DCTN6: variants seen among roughly 807,000 people sequenced by gnomAD.
DCTN6 encodes the protein dynactin 6.
Under a neutral mutation model 25.8 loss-of-function variants are expected in DCTN6, and 15 were observed. That is an observed-to-expected ratio of 0.58 (90% CI 0.39 to 0.89). The LOEUF is 0.89. DCTN6 is among the 40% of genes least tolerant of loss of function. DCTN6 has a pLI of 0.00. For missense variants in DCTN6, 198 were observed against 237.6 expected (o/e 0.83, Z 1.09); for synonymous variants, 64 against 78.3 (o/e 0.82, Z 0.96).
At position 30,179,294 on chromosome 8, in the gene DCTN6, G is replaced by A. The variant is rs550315560; in HGVS notation, c.284-114G>A. On this transcript the variant is annotated intron_variant, in intron 4 of 6. Coordinates refer to ENST00000221114, the MANE Select transcript of DCTN6 (RefSeq NM_006571.4). The stretch of plus-strand genomic sequence containing the variant: ...AAAGAGTTCTGGCAAGGGTGAGCCT[G>A]CATGGCCCATCTGACACCCCTGTCC... 38 of 725,506 alleles carry A rather than the reference G, an allele frequency of 5.2e-5. No homozygotes were observed. The South Asian group carries it at 8.1e-4, about 16-fold the overall frequency. 44.9% of individuals were successfully genotyped at this position (725,506 alleles called of 1,614,324 possible).
In DCTN6 at chr8:30,156,378, C is replaced by A. The variant is rs757277107; in HGVS notation, c.-6C>A. 1.9e-6 allele frequency: 3 copies of A among 1,605,470 alleles called. No homozygotes were observed. In the African/African-American group the frequency reaches 4.0e-5, roughly 21 times the overall value. ...TGTCGATCTACGTTCCAATTGGGGC[C>A]GTACCATGGCGGAGAAGACTCAAAA... On this transcript the variant is annotated 5_prime_UTR_variant, in exon 1 of 7. Coordinates refer to ENST00000221114, the MANE Select transcript of DCTN6 (RefSeq NM_006571.4).
chr8:30,167,097 G>T (rs1803688195), intron 2 of DCTN6, among the ~76,000 whole-genome samples: 1 of 151,124 alleles, frequency 6.6e-6, no homozygotes, highest in South Asian at 2.1e-4. Flanking sequence ...AAGAAGAAAG[G>T]AAAGGAAGAG....
chr8:30,176,998 C>G, intron 3 of DCTN6, 128 bp from the exon 4 acceptor site: 2 of 654,038 alleles, frequency 3.1e-6, no homozygotes, highest in South Asian at 3.9e-5. Flanking sequence ...AAAGAAATAA[C>G]TTATATAGTC....
At chr8:30,168,690 T>G (rs1325089217) in intron 2 of DCTN6, among the ~76,000 whole-genome samples, 2 of 152,348 alleles carry the variant, frequency 1.3e-5, no homozygotes, top group East Asian at 1.9e-4. Flanking sequence ...AAACCCGATC[T>G]GTTTTCCTAG....
chr8:30,165,260 T>C (rs1370897162), intron 2 of DCTN6, among the ~76,000 whole-genome samples: 3 of 152,186 alleles, frequency 2.0e-5, no homozygotes, highest in Admixed American at 2.0e-4. Flanking sequence ...TCAAACATTT[T>C]ACTCTGTTCT....
chr8:30,164,303 A>G (rs1585499687), intron 2 of DCTN6, 128 bp downstream of exon 2: 3 of 735,848 alleles, frequency 4.1e-6, no homozygotes, highest in East Asian at 5.5e-5. Context: ...AAAATAATGC[A>G]TTTTCTCCTA....
chr8:30,172,454 A>AT (rs35228637), intron 2 of DCTN6, among the ~76,000 whole-genome samples: 25 of 147,984 alleles, frequency 1.7e-4, no homozygotes, highest in East Asian at 5.9e-4. Flanking sequence ...ATATTTACAA[A>AT]TTTTTTTTTT....
At chr8:30,157,218 G>A (rs187911785) in intron 1 of DCTN6, among the ~76,000 whole-genome samples, 1 of 152,178 alleles carries the variant, frequency 6.6e-6, no homozygotes, top group Non-Finnish European at 1.5e-5. Context: ...GAGTTATCGC[G>A]TAAGGTAATG....
At chr8:30,175,020 C>G (rs967719060) in intron 2 of DCTN6, 65 bp from the exon 3 acceptor site, 1 of 1,487,336 alleles carries the variant, frequency 6.7e-7, no homozygotes, top group African/African-American at 1.4e-5. Flanking sequence ...TCCTCAGTCA[C>G]CTTCCACCCT....
At chr8:30,175,513 C>T (rs1803819590) in intron 3 of DCTN6, among the ~76,000 whole-genome samples, 1 of 151,754 alleles carries the variant, frequency 6.6e-6, no homozygotes, top group African/African-American at 2.4e-5. Flanking sequence ...GTGCTGTGCC[C>T]ACCACCCTGC....
intron 2 of DCTN6, among the ~76,000 whole-genome samples, chr8:30,170,901 C>T (rs1803754374): frequency 6.6e-6 from 1 of 152,042 alleles, no homozygotes; most frequent in African/African-American, 2.4e-5. Context: ...TCCCAAAGTG[C>T]TGGGATTACA....
At chr8:30,167,231 G>T (rs1803690439) in intron 2 of DCTN6, among the ~76,000 whole-genome samples, 1 of 151,940 alleles carries the variant, frequency 6.6e-6, no homozygotes, top group Non-Finnish European at 1.5e-5. Context: ...ACTTGAGAGG[G>T]CTCAGTGAGC....
intron 2 of DCTN6, 21 bp downstream of exon 2, chr8:30,164,196 T>A: frequency 6.3e-7 from 1 of 1,578,574 alleles, no homozygotes; most frequent in South Asian, 1.1e-5. Flanking sequence ...GTTTATTTAC[T>A]GTTTTTCAAG....
intron 1 of DCTN6, among the ~76,000 whole-genome samples, chr8:30,157,917 G>A (rs1170815173): frequency 6.8e-6 from 1 of 148,146 alleles, no homozygotes; most frequent in African/African-American, 2.4e-5. Context: ...AATATTATGT[G>A]CAGTAGATAG....
At chr8:30,160,082 G>C (rs1289987695) in intron 1 of DCTN6, among the ~76,000 whole-genome samples, 1 of 152,120 alleles carries the variant, frequency 6.6e-6, no homozygotes, top group East Asian at 1.9e-4. Context: ...TTCCCAGGAA[G>C]GGGACAAGAT....
chr8:30,175,784 A>T (rs1405569413), intron 3 of DCTN6, among the ~76,000 whole-genome samples: 1 of 152,202 alleles, frequency 6.6e-6, no homozygotes, highest in East Asian at 1.9e-4. Context: ...TTCTTTCTAG[A>T]TAAAATTTTG....
intron 3 of DCTN6, 76 bp from the exon 4 acceptor site, chr8:30,177,049 AC>A: frequency 9.0e-7 from 1 of 1,106,538 alleles, no homozygotes; most frequent in Non-Finnish European, 1.4e-6. Context: ...GAAAGAATTA[AC>A]CCAAATTCGA....
chr8:30,162,567 A>G (rs985166607), intron 1 of DCTN6, among the ~76,000 whole-genome samples: 1 of 152,260 alleles, frequency 6.6e-6, no homozygotes, highest in African/African-American at 2.4e-5. Flanking sequence ...TAATGAAAAG[A>G]AGTTTCCTAA....
At chr8:30,173,731 T>TAAAAAAAAAAAA (rs371782984) in intron 2 of DCTN6, among the ~76,000 whole-genome samples, 1 of 96,048 alleles carries the variant, frequency 1.0e-5, no homozygotes, top group African/African-American at 3.5e-5. Context: ...CCCTGTCTCT[T>TAAAAAAAAAAAA]AAAAAAAAAA....
Sources: gnomAD v4.1 joint callset for allele counts (sites outside exome capture counted in the v4.1 genomes callset) on GRCh38, gnomAD v4.1.1 for gene constraint, MANE v1.5 for transcripts, NCBI Gene and HGNC (gene_info 2026-07-23, HGNC 2026-07-21) for gene names.